LIMS2: variants seen among roughly 807,000 people sequenced by gnomAD.
LIMS2 encodes LIM and senescent cell antigen-like-containing domain protein 2.
LIMS2 carries 30 observed loss-of-function variants against 45.3 expected under a neutral mutation model. That is an observed-to-expected ratio of 0.66 (90% CI 0.50 to 0.90). LIMS2 has a LOEUF of 0.90. Ranked by LOEUF, LIMS2 falls within the 40% of genes least tolerant of loss-of-function variation. The probability of loss-of-function intolerance (pLI) is 0.00; values close to 1 mark genes in which losing one functional copy is unlikely to be tolerated. For synonymous variants in LIMS2, 173 were observed against 188.0 expected, an observed-to-expected ratio of 0.92 and a Z score of 0.65; for missense variants, 485 against 468.7, an observed-to-expected ratio of 1.03 and a Z score of -0.32.
intron 4 of LIMS2, chr2:127,650,954 G>A (rs1436200852): frequency 6.2e-7 from 1 of 1,613,894 alleles, no homozygotes; most frequent in Admixed American, 1.7e-5. Context: ...TGATGCATCT[G>A]GCCGTGGCCG....
intron 4 of LIMS2, among the ~76,000 whole-genome samples, chr2:127,649,078 G>GAAAAA (rs1683366204): frequency 1.8e-5 from 2 of 110,234 alleles, no homozygotes; most frequent in African/African-American, 3.2e-5. Context: ...GAAGGAAAAA[G>GAAAAA]AAAAGAAAAA....
Position 127,675,017 on chromosome 2 carries a change from C to T in LIMS2, c.8G>A (p.Gly3Glu). 1.6e-6 allele frequency: 2 copies of T among 1,230,164 alleles called. No individual in the cohort carries two copies. Among genetic ancestry groups the T allele is most frequent in the Non-Finnish European group, 2.0e-6 (2 of 985,710 alleles). 76.2% of individuals were successfully genotyped at this position (1,230,164 alleles called of 1,614,324 possible). A position where few individuals can be genotyped will look rare whatever the true frequency, so the allele number is the denominator to read the frequency against. The part of the protein sequence containing the change: MT[G>E]SNMSDALANA... ...GGGCGTGGGTGGGGGCCGTTACCTT[C>T]CCGTCATGGTGGCAGCGACGCCGAG... The change falls in exon 1 of 10, where the codon GGA (glycine) becomes GAA (glutamate). Residue 3 changes from glycine to glutamate, a missense_variant. Physicochemically the swap from Gly to Glu is moderately conservative, Grantham distance 98 (BLOSUM62 -2). Coordinates refer to ENST00000355119, the MANE Select transcript of LIMS2 (RefSeq NM_001161403.3).
intron 4 of LIMS2, chr2:127,645,978 G>T (rs1301091939): frequency 1.3e-5 from 2 of 152,644 alleles, no homozygotes. Context: ...GGGGGCGGGG[G>T]GCATGGGCTA....
chr2:127,668,946 G>C (rs1017090827), intron 1 of LIMS2, among the ~76,000 whole-genome samples: 2 of 151,974 alleles, frequency 1.3e-5, no homozygotes, highest in Non-Finnish European at 2.9e-5. Flanking sequence ...ACAGAAAGTA[G>C]CCAGGTGTGG....
intron 1 of LIMS2, chr2:127,673,858 T>C (rs1685387595): frequency 1.2e-6 from 1 of 863,986 alleles, no homozygotes; most frequent in Non-Finnish European, 1.9e-6. Context: ...GGCCTGCAGA[T>C]GCCACTCTCC....
chr2:127,673,710 G>T, intron 1 of LIMS2: 1 of 1,551,510 alleles, frequency 6.4e-7, no homozygotes, highest in Non-Finnish European at 8.7e-7. Flanking sequence ...GGGCTGCTCC[G>T]GACCCTGTTC....
At chr2:127,680,740 A>G (rs1685595478) in intron 1 of LIMS2, among the ~76,000 whole-genome samples, 1 of 152,348 alleles carries the variant, frequency 6.6e-6, no homozygotes, top group South Asian at 2.1e-4. Context: ...AATTTTCCAA[A>G]GATGACCTGG....
At chr2:127,654,689 CT>C in intron 3 of LIMS2, 140 bp downstream of exon 3, 1 of 1,480,898 alleles carries the variant, frequency 6.8e-7, no homozygotes, top group Admixed American at 1.8e-5. Context: ...TGTAGGGGGC[CT>C]GACGGCTGCC....
upstream of LIMS2, among the ~76,000 whole-genome samples, chr2:127,677,088 G>A (rs1218915148): frequency 1.3e-5 from 2 of 152,246 alleles, no homozygotes; most frequent in East Asian, 3.8e-4. The surrounding 1 kb of genome is among the most constrained non-coding windows in gnomAD (Gnocchi z 5.0). Context: ...GGTAGGGGTT[G>A]TGGGCATGGC....
At chr2:127,679,043 G>A (rs1297015443), upstream of LIMS2, among the ~76,000 whole-genome samples, 2 of 152,132 alleles carry the variant, frequency 1.3e-5, no homozygotes, top group Non-Finnish European at 2.9e-5. The surrounding 1 kb of genome is among the most constrained non-coding windows in gnomAD (Gnocchi z 5.3). Context: ...TGCCACAGAA[G>A]CCCGGAGGGA....
Position 127,639,343 on chromosome 2 carries a change from TCTTCAGCCG to T in LIMS2, c.955_963del (p.Arg319_Lys321del). On this transcript the variant is annotated inframe_deletion, in exon 10 of 10. Coordinates refer to ENST00000355119, the MANE Select transcript of LIMS2 (RefSeq NM_001161403.3). ...TTGCGGGAGGTCAGCTCCGACAGCTTCTTCAGCCGCTTCTTCAGCTCCAGCGGGAACTTC... is the reference window on the plus strand; with the variant it reads ...TTGCGGGAGGTCAGCTCCGACAGCTTCTTCTTCAGCTCCAGCGGGAACTTC... 1 of 1,613,920 alleles carries T rather than the reference TCTTCAGCCG, an allele frequency of 6.2e-7. No individual in the cohort carries two copies. The highest frequency in any genetic ancestry group is 1.1e-5 in the South Asian group (1 of 91,086).
chr2:127,669,035 A>G (rs1294761309), intron 1 of LIMS2, among the ~76,000 whole-genome samples: 1 of 152,036 alleles, frequency 6.6e-6, no homozygotes, highest in East Asian at 1.9e-4. Context: ...TGAGACTGCA[A>G]TGTACCAAGA....
intron 4 of LIMS2, among the ~76,000 whole-genome samples, chr2:127,643,781 C>T (rs529103964): frequency 1.5e-3 from 223 of 152,252 alleles, no homozygotes; most frequent in African/African-American, 5.2e-3. Context: ...ACACAAAGGC[C>T]CCAATCCAAC....
chr2:127,670,268 C>A (rs1685217253), intron 1 of LIMS2, among the ~76,000 whole-genome samples: 1 of 152,096 alleles, frequency 6.6e-6, no homozygotes, highest in South Asian at 2.1e-4. Flanking sequence ...CAAACTATGG[C>A]ACAATGGAAT....
At chr2:127,659,246 C>T (rs1215195587) in intron 1 of LIMS2, among the ~76,000 whole-genome samples, 1 of 152,236 alleles carries the variant, frequency 6.6e-6, no homozygotes, top group African/African-American at 2.4e-5. Context: ...GCATGCTGGG[C>T]TTCTGTCCAC....
chr2:127,644,099 T>C (rs1285985354), intron 4 of LIMS2: 3 of 456,424 alleles, frequency 6.6e-6, no homozygotes, highest in Non-Finnish European at 1.3e-5. Context: ...GACTCCATCC[T>C]GCACAGCACT....
Position 127,657,638 on chromosome 2 carries a change from C to T in LIMS2, c.12-76G>A, listed in dbSNP as rs550425374. 2.2e-5 allele frequency: 31 copies of T among 1,415,336 alleles called. No homozygotes were observed. In the South Asian group the frequency reaches 3.5e-4, roughly 16 times the overall value. The allele number at this position is 1,415,336 out of a possible 1,614,324, so 87.7% of individuals were successfully genotyped here. The stretch of plus-strand genomic sequence containing the variant: ...TGGGGCACACGCGGGGGCCTGCGCC[C>T]GACAGACACACCTCGTATTAAAAAG... On this transcript the variant is annotated intron_variant, in intron 1 of 9. Coordinates refer to ENST00000355119, the MANE Select transcript of LIMS2 (RefSeq NM_001161403.3).
intron 3 of LIMS2, 68 bp from the exon 4 acceptor site, chr2:127,654,612 C>T (rs1684122793): frequency 6.2e-7 from 1 of 1,605,782 alleles, no homozygotes; most frequent in Non-Finnish European, 8.5e-7. Flanking sequence ...CCTCCCAAGC[C>T]CTGTCCACCT....
chr2:127,655,251 C>T (rs1434131519), intron 2 of LIMS2: 6 of 377,142 alleles, frequency 1.6e-5, no homozygotes, highest in Non-Finnish European at 2.5e-5. Context: ...TGTAGTGTCA[C>T]TTGGTCCTAT....
Sources: gnomAD v4.1 joint callset for allele counts (sites outside exome capture counted in the v4.1 genomes callset) on GRCh38, gnomAD v4.1.1 for gene constraint, Gnocchi (gnomAD v3.1) non-coding constraint, MANE v1.5 for transcripts, NCBI Gene and HGNC (gene_info 2026-07-23, HGNC 2026-07-21) for gene names.